Variants in NKTR observed in about 807,000 individuals in gnomAD.
The protein encoded by NKTR is natural killer cell triggering receptor.
In NKTR, 67 loss-of-function variants were observed where a neutral mutation model predicts 156.3. That is an observed-to-expected ratio of 0.43 (90% CI 0.35 to 0.53). The LOEUF is 0.53. Ranked by LOEUF, NKTR falls within the 20% of genes least tolerant of loss-of-function variation. NKTR has a pLI of 0.01. For missense variants in NKTR, 1,604 were observed against 1,730.9 expected (o/e 0.93, Z 1.30); for synonymous variants, 640 against 596.6 (o/e 1.07, Z -1.06).
At chr3:42,641,577 A>G (rs925945361) in intron 13 of NKTR, among the ~76,000 whole-genome samples, 7 of 152,184 alleles carry the variant, frequency 4.6e-5, no homozygotes, top group African/African-American at 1.7e-4. Flanking sequence ...CCTGCCATCT[A>G]GCTTAAAAAA....
In NKTR at chr3:42,635,328, T is replaced by C. The variant is rs1414825797; in HGVS notation, c.1125T>C (p.Tyr375=). 1.9e-6 allele frequency: 3 copies of C among 1,613,084 alleles called. No individual in the cohort carries two copies. Among genetic ancestry groups the C allele is most frequent in the Middle Eastern group, 1.7e-4 (1 of 6,060 alleles). ...WKEEMQRLRA[Y]RPPSGEKWSK... ...AGGAAATGCAGAGATTAAGAGCATA[T>C]AGACCACCTAGTGGAGAAAAATGGA... Residue 375 remains tyrosine, a synonymous_variant, in exon 12 of 17, where the codon TAT becomes TAC. Coordinates refer to ENST00000232978, the MANE Select transcript of NKTR (RefSeq NM_005385.4).
chr3:42,640,619 C>T (rs559404236), intron 13 of NKTR, among the ~76,000 whole-genome samples: 11 of 152,254 alleles, frequency 7.2e-5, no homozygotes, highest in South Asian at 2.1e-4. Context: ...AAAAAGGAAC[C>T]GCCACGTGCC....
rs906306618 is a variant in NKTR, at chr3:42,609,613, A to G, written c.59-7957A>G. On this transcript the variant is annotated intron_variant, in intron 2 of 16. Transcript: ENST00000232978. ...TCAGAAATCTCACTGGTATTTTTGAAGGTTGCAATTAAGTTATTATAGGTT... is the reference window on the plus strand; with the variant it reads ...TCAGAAATCTCACTGGTATTTTTGAGGGTTGCAATTAAGTTATTATAGGTT... 2.6e-5 allele frequency among the ~76,000 whole-genome samples: 4 copies of G among 152,346 alleles called. No individual in the cohort carries two copies. In the East Asian group the frequency reaches 5.8e-4, roughly 22 times the overall value.
intron 6 of NKTR, chr3:42,628,132 A>C (rs1470908033): frequency 3.0e-6 from 3 of 984,586 alleles, no homozygotes; most frequent in Non-Finnish European, 3.6e-6. Flanking sequence ...AAATACTTTT[A>C]GTATTCTTAA....
chr3:42,611,533 A>T (rs1232561648), intron 2 of NKTR, among the ~76,000 whole-genome samples: 1 of 152,088 alleles, frequency 6.6e-6, no homozygotes, highest in Non-Finnish European at 1.5e-5. Context: ...GGAGTTCAAG[A>T]CAAGCCTGGC....
chr3:42,606,867 G>A (rs1706286434), intron 2 of NKTR, among the ~76,000 whole-genome samples: 1 of 151,230 alleles, frequency 6.6e-6, no homozygotes, highest in East Asian at 1.9e-4. Context: ...ATTTCGTTTG[G>A]CTTTTTTTTT....
In NKTR at chr3:42,637,579, T is replaced by C. The variant is rs745381587; in HGVS notation, c.1875T>C (p.Pro625=). 6.2e-7 allele frequency: 1 copy of C among 1,611,322 alleles called. No homozygotes were observed. Among genetic ancestry groups the C allele is most frequent in the Non-Finnish European group, 8.5e-7 (1 of 1,179,272 alleles). ...CAAGATGGAAGCCTGGACAGAAACC[T>C]TGGAAGCCCTCTTATGAGCGAATTC... ...PPSRWKPGQK[P]WKPSYERIQE... The change falls in exon 13 of 17, where the codon CCT becomes CCC. Residue 625 remains proline, a synonymous_variant. Coordinates refer to ENST00000232978, the MANE Select transcript of NKTR (RefSeq NM_005385.4).
chr3:42,644,096 G>A (rs1022647789), intron 16 of NKTR, 93 bp downstream of exon 16: 1 of 720,542 alleles, frequency 1.4e-6, no homozygotes, highest in African/African-American at 1.8e-5. Context: ...GGAAGAGAAA[G>A]TGGTATAATC....
chr3:42,603,331 G>C (rs2125754924), intron 2 of NKTR, among the ~76,000 whole-genome samples: 1 of 139,920 alleles, frequency 7.1e-6, no homozygotes, highest in East Asian at 2.0e-4. Context: ...CTGCACTCCA[G>C]CTTGGTCAAC....
At chr3:42,618,872 G>GT in intron 3 of NKTR, 148 bp from the exon 4 acceptor site, 1 of 669,816 alleles carries the variant, frequency 1.5e-6, no homozygotes, top group Non-Finnish European at 2.5e-6. Flanking sequence ...ATGTGTGTAT[G>GT]TTAAATTATC....
intron 6 of NKTR, chr3:42,627,289 T>C: frequency 2.0e-6 from 2 of 984,700 alleles, no homozygotes; most frequent in Non-Finnish European, 2.4e-6. Flanking sequence ...ATTCTGTTGT[T>C]ATGTGCATTG....
intron 12 of NKTR, 160 bp downstream of exon 12, chr3:42,635,526 A>G: frequency 1.9e-6 from 1 of 515,782 alleles, no homozygotes; most frequent in South Asian, 3.8e-5. Context: ...TGAAAGTAGT[A>G]CTGTTAACTA....
chr3:42,612,696 A>G (rs968676251), intron 2 of NKTR, among the ~76,000 whole-genome samples: 1 of 152,186 alleles, frequency 6.6e-6, no homozygotes, highest in Non-Finnish European at 1.5e-5. Context: ...TAGGTATAGA[A>G]TTCTTGTTTC....
intron 2 of NKTR, among the ~76,000 whole-genome samples, chr3:42,607,331 G>C (rs1706329670): frequency 6.6e-6 from 1 of 152,122 alleles, no homozygotes; most frequent in Non-Finnish European, 1.5e-5. Context: ...GTAATAACTG[G>C]TTCAGAAAGT....
intron 2 of NKTR, among the ~76,000 whole-genome samples, chr3:42,606,555 G>T (rs767234611): frequency 1.3e-5 from 2 of 152,092 alleles, no homozygotes; most frequent in Non-Finnish European, 2.9e-5. Context: ...GTGAAATCCT[G>T]AATTCTTGCT....
intron 1 of NKTR, 40 bp from the exon 2 acceptor site, chr3:42,600,944 T>G: frequency 9.4e-7 from 1 of 1,068,940 alleles, no homozygotes; most frequent in Non-Finnish European, 1.3e-6. Flanking sequence ...GCCCCCGCCC[T>G]CGCCCCTGCC....
intron 6 of NKTR, among the ~76,000 whole-genome samples, chr3:42,625,426 TG>T (rs1000646084): frequency 3.5e-5 from 5 of 144,780 alleles, no homozygotes; most frequent in African/African-American, 8.0e-5. Flanking sequence ...AATAGGGCAA[TG>T]GGGGGGCGGG....
intron 2 of NKTR, among the ~76,000 whole-genome samples, chr3:42,604,014 G>A (rs1269355294): frequency 2.0e-5 from 3 of 152,160 alleles, no homozygotes; most frequent in Non-Finnish European, 2.9e-5. Flanking sequence ...TAGAATTACA[G>A]GTGTGAGCCA....
chr3:42,645,854 C>A, intron 16 of NKTR, 34 bp from the exon 17 acceptor site: 2 of 1,463,410 alleles, frequency 1.4e-6, no homozygotes, highest in Non-Finnish European at 1.9e-6. Flanking sequence ...TTTACAGTTA[C>A]AAGATTTTTA....
Sources: gnomAD v4.1 joint callset for allele counts (sites outside exome capture counted in the v4.1 genomes callset) on GRCh38, gnomAD v4.1.1 for gene constraint, MANE v1.5 for transcripts, NCBI Gene and HGNC (gene_info 2026-07-23, HGNC 2026-07-21) for gene names.